The following ELMO1 variants were observed in gnomAD, a reference collection of about 807,000 sequenced individuals.
ELMO1 encodes the protein engulfment and cell motility protein 1.
Under a neutral mutation model 98.9 loss-of-function variants are expected in ELMO1, and 26 were observed. The ratio of observed to expected loss-of-function variants is 0.26; its 90% CI spans 0.19 to 0.36. ELMO1 has a LOEUF of 0.36. Among genes scored for constraint, ELMO1 ranks in the 10% least tolerant of loss-of-function variants. ELMO1 has a pLI of 1.00. For missense variants in ELMO1, 627 were observed against 935.2 expected (o/e 0.67, Z 4.30); for synonymous variants, 346 against 346.0 (o/e 1.00, Z 0.00).
At chr7:36,977,466 T>A (rs374333845) in intron 16 of ELMO1, among the ~76,000 whole-genome samples, 1 of 152,176 alleles carries the variant, frequency 6.6e-6, no homozygotes, top group African/African-American at 2.4e-5. Flanking sequence ...GTGTTCAAAT[T>A]TGGGGATAAG....
intron 16 of ELMO1, among the ~76,000 whole-genome samples, chr7:36,952,947 T>C (rs1319908603): frequency 6.8e-6 from 1 of 146,260 alleles, no homozygotes; most frequent in Non-Finnish European, 1.5e-5. Context: ...ATGTGCCAAA[T>C]AATGGAAGTC....
At chr7:37,160,767 A>T (rs1014229033) in intron 13 of ELMO1, among the ~76,000 whole-genome samples, 3 of 152,036 alleles carry the variant, frequency 2.0e-5, no homozygotes, top group Admixed American at 1.3e-4. Context: ...TCCCACCCCA[A>T]TTGGGCTTTC....
intron 14 of ELMO1, among the ~76,000 whole-genome samples, chr7:37,119,015 T>C (rs978774163): frequency 1.3e-5 from 2 of 152,204 alleles, no homozygotes; most frequent in African/African-American, 2.4e-5. Context: ...CTGTGTGACT[T>C]TGGACAAACC....
chr7:37,392,327 G>A (rs892445393), intron 1 of ELMO1, among the ~76,000 whole-genome samples: 1 of 152,258 alleles, frequency 6.6e-6, no homozygotes, highest in Middle Eastern at 3.4e-3. Context: ...GAATAAAGTG[G>A]CATATGCCTC....
chr7:37,206,923 T>A (rs756599863), intron 13 of ELMO1, among the ~76,000 whole-genome samples: 18 of 151,978 alleles, frequency 1.2e-4, no homozygotes, highest in Non-Finnish European at 2.5e-4. Flanking sequence ...GATTTTAATA[T>A]CTGCTTTGAT....
intron 4 of ELMO1, among the ~76,000 whole-genome samples, chr7:37,290,233 GT>G (rs1760409971): frequency 2.0e-5 from 3 of 152,016 alleles, no homozygotes; most frequent in Admixed American, 1.3e-4. Context: ...TGAGATTTTA[GT>G]TTTTTAGTAT....
rs184229988 is a variant in ELMO1, at chr7:36,895,121, C to T, written c.1438-104G>A. On this transcript the variant is annotated intron_variant, in intron 16 of 21. Coordinates refer to ENST00000310758, the MANE Select transcript of ELMO1 (RefSeq NM_014800.11). ...CCCTGCTTCCCTGGTGCCCTCTGCACGCATGCTCAGCATTAACCTTGAGCA... is the reference window on the plus strand; with the variant it reads ...CCCTGCTTCCCTGGTGCCCTCTGCATGCATGCTCAGCATTAACCTTGAGCA... 2.0e-5 allele frequency: 26 copies of T among 1,328,140 alleles called. No homozygotes were observed. The Admixed American group carries it at 2.6e-4, about 13-fold the overall frequency. 82.3% of individuals were successfully genotyped at this position (1,328,140 alleles called of 1,614,324 possible).
At chr7:37,136,232 G>A (rs1042139047) in intron 13 of ELMO1, among the ~76,000 whole-genome samples, 9 of 152,102 alleles carry the variant, frequency 5.9e-5, no homozygotes, top group African/African-American at 1.9e-4. Flanking sequence ...TATGTTAAAC[G>A]TCCAAACCTA....
chr7:36,930,281 G>A (rs1467852464), intron 16 of ELMO1, among the ~76,000 whole-genome samples: 1 of 152,196 alleles, frequency 6.6e-6, no homozygotes, highest in Non-Finnish European at 1.5e-5. Flanking sequence ...GCAAGCCAGT[G>A]TTAGGCTAAT....
At chr7:37,219,198 GCT>G (rs1793461510) in intron 10 of ELMO1, among the ~76,000 whole-genome samples, 1 of 152,170 alleles carries the variant, frequency 6.6e-6, no homozygotes, top group Non-Finnish European at 1.5e-5. Context: ...AGAGGAGGAA[GCT>G]TTACCCTAGG....
chr7:36,994,268 G>T (rs1308059314), intron 16 of ELMO1, among the ~76,000 whole-genome samples: 1 of 152,122 alleles, frequency 6.6e-6, no homozygotes, highest in Non-Finnish European at 1.5e-5. Flanking sequence ...CTATTCATAT[G>T]ATGCTCCCTT....
intron 15 of ELMO1, among the ~76,000 whole-genome samples, chr7:37,047,916 A>T (rs577428364): frequency 7.8e-4 from 119 of 152,272 alleles, no homozygotes; most frequent in African/African-American, 2.8e-3. Flanking sequence ...TTTTAAAATT[A>T]AAAAAACCCT....
At chr7:37,267,969 C>A (rs1268077702) in intron 5 of ELMO1, among the ~76,000 whole-genome samples, 1 of 152,026 alleles carries the variant, frequency 6.6e-6, no homozygotes, top group Non-Finnish European at 1.5e-5. Context: ...TGATCTTTTT[C>A]TTTATGGTTT....
chr7:37,222,934 T>C (rs1184899536), intron 9 of ELMO1, among the ~76,000 whole-genome samples: 2 of 152,340 alleles, frequency 1.3e-5, no homozygotes, highest in Middle Eastern at 3.4e-3. Context: ...CCCAGAAATA[T>C]AGGCAGCCTT....
At chr7:36,929,406 A>G (rs1170713388) in intron 16 of ELMO1, among the ~76,000 whole-genome samples, 1 of 152,234 alleles carries the variant, frequency 6.6e-6, no homozygotes. Context: ...AATACACATC[A>G]AGGCATTAGA....
At chr7:37,274,986 T>C (rs1024009643) in intron 4 of ELMO1, among the ~76,000 whole-genome samples, 1 of 152,246 alleles carries the variant, frequency 6.6e-6, no homozygotes, top group Non-Finnish European at 1.5e-5. Flanking sequence ...ACCAACATTA[T>C]AACTCTATGC....
chr7:37,313,401 T>A (rs1481624008), intron 4 of ELMO1, among the ~76,000 whole-genome samples: 6 of 152,114 alleles, frequency 3.9e-5, no homozygotes, highest in Non-Finnish European at 8.8e-5. Context: ...ATTTATGTAT[T>A]TTTAGTAGAG....
At chr7:37,348,192 C>T (rs763730815) in intron 1 of ELMO1, among the ~76,000 whole-genome samples, 3 of 152,150 alleles carry the variant, frequency 2.0e-5, no homozygotes, top group Non-Finnish European at 2.9e-5. Context: ...TCAAAATTAC[C>T]AAAGTAGATA....
intron 16 of ELMO1, chr7:36,984,820 C>CA: frequency 1.2e-6 from 1 of 853,398 alleles, no homozygotes. Flanking sequence ...GATGAATCCT[C>CA]AAAATCAGGA....
Sources: allele counts gnomAD v4.1 joint callset (sites outside exome capture counted in the v4.1 genomes callset), GRCh38; gene constraint gnomAD v4.1.1; transcripts MANE v1.5; gene names NCBI Gene and HGNC (gene_info 2026-07-23, HGNC 2026-07-21).